DGKB: variants seen among roughly 807,000 people sequenced by gnomAD.
The protein encoded by DGKB is diacylglycerol kinase beta.
In DGKB, 67 loss-of-function variants were observed where a neutral mutation model predicts 114.3. The ratio of observed to expected loss-of-function variants is 0.59; its 90% CI spans 0.48 to 0.72. The LOEUF is 0.72. Ranked by LOEUF, DGKB falls within the 30% of genes least tolerant of loss-of-function variation. The pLI, the probability that DGKB is intolerant of heterozygous loss-of-function variation, is 0.00. For synonymous variants in DGKB, 398 were observed against 323.1 expected (o/e 1.23, Z -2.49); for missense variants, 907 against 975.2 (o/e 0.93, Z 0.93).
intron 23 of DGKB, among the ~76,000 whole-genome samples, chr7:14,322,276 T>A (rs548433483): frequency 5.3e-5 from 8 of 152,248 alleles, no homozygotes; most frequent in Non-Finnish European, 1.2e-4. Context: ...ATATCTACTA[T>A]CTGACACTAC....
intron 21 of DGKB, among the ~76,000 whole-genome samples, chr7:14,370,395 T>C (rs1346695499): frequency 6.6e-6 from 1 of 152,156 alleles, no homozygotes; most frequent in Non-Finnish European, 1.5e-5. Flanking sequence ...CTTAGAATTG[T>C]CTGGGCTATA....
At chr7:14,957,634 G>T (rs1353447661) in intron 1 of DGKB, among the ~76,000 whole-genome samples, 2 of 151,914 alleles carry the variant, frequency 1.3e-5, no homozygotes, top group Non-Finnish European at 2.9e-5. Context: ...ACTGTATCTT[G>T]CTTTGTTAAC....
chr7:14,739,628 C>A (rs573828338), intron 4 of DGKB, among the ~76,000 whole-genome samples: 1 of 152,260 alleles, frequency 6.6e-6, no homozygotes, highest in South Asian at 2.1e-4. Context: ...CATTTGATGG[C>A]CTATATGGGG....
chr7:14,828,778 A>G (rs1226958265), intron 2 of DGKB, among the ~76,000 whole-genome samples: 1 of 152,118 alleles, frequency 6.6e-6, no homozygotes, highest in African/African-American at 2.4e-5. Context: ...TCAAGTCACC[A>G]TTATTATTTA....
chr7:14,790,497 TTTTG>T (rs1163256528), intron 2 of DGKB, among the ~76,000 whole-genome samples: 6 of 127,596 alleles, frequency 4.7e-5, no homozygotes, highest in African/African-American at 2.3e-4. Flanking sequence ...GGCTCATTTT[TTTTG>T]TTGTTGTTGG....
At chr7:14,360,946 A>G (rs1395803950) in intron 21 of DGKB, among the ~76,000 whole-genome samples, 2 of 152,136 alleles carry the variant, frequency 1.3e-5, no homozygotes, top group African/African-American at 4.8e-5. Flanking sequence ...TGTTTTTCCT[A>G]ACCAATTTTT....
intron 2 of DGKB, among the ~76,000 whole-genome samples, chr7:14,833,160 T>C (rs1235361326): frequency 6.6e-6 from 1 of 152,096 alleles, no homozygotes; most frequent in African/African-American, 2.4e-5. Context: ...CTGTTAACAA[T>C]GCCTTAACCT....
At chr7:14,961,419 A>T (rs184871970) in intron 1 of DGKB, among the ~76,000 whole-genome samples, 1 of 152,158 alleles carries the variant, frequency 6.6e-6, no homozygotes, top group African/African-American at 2.4e-5. Context: ...GTCTCAATGA[A>T]TTGTGTTTAG....
At chr7:14,491,795 A>G (rs1784633808) in intron 20 of DGKB, among the ~76,000 whole-genome samples, 1 of 152,094 alleles carries the variant, frequency 6.6e-6, no homozygotes, top group Non-Finnish European at 1.5e-5. Context: ...CTCAAGAATA[A>G]TATTATTTTA....
At chr7:14,580,544 T>G (rs1001534137) in intron 19 of DGKB, among the ~76,000 whole-genome samples, 7 of 152,194 alleles carry the variant, frequency 4.6e-5, no homozygotes, top group African/African-American at 1.4e-4. Flanking sequence ...AGTATAAAAA[T>G]TACCTTGAAG....
At position 14,192,241 on chromosome 7, in the gene DGKB, A is replaced by C. The variant is rs1374136876; in HGVS notation, c.2123-14090T>G. 2.0e-5 allele frequency: 4 copies of C among 203,606 alleles called. No homozygotes were observed. In the East Asian group the frequency reaches 5.6e-4, roughly 29 times the overall value. The allele number at this position is 203,606 out of a possible 1,614,324, so 12.6% of individuals were successfully genotyped here. A position where few individuals can be genotyped will look rare whatever the true frequency, so the allele number is the denominator to read the frequency against. ...CTAAAGACTCCACCAAAAACTAGTC[A>C]AACTGAAAAACAAATTCACTAAAAT... is the stretch of plus-strand genomic sequence containing the variant. On this transcript the variant is annotated intron_variant, in intron 23 of 25. Transcript: ENST00000402815.
chr7:14,872,363 G>T (rs1246175915), intron 1 of DGKB, among the ~76,000 whole-genome samples: 1 of 152,114 alleles, frequency 6.6e-6, no homozygotes, highest in Non-Finnish European at 1.5e-5. Flanking sequence ...CAGGATCTCC[G>T]CAGAGCACAC....
chr7:14,196,181 C>G (rs954519965), intron 23 of DGKB, among the ~76,000 whole-genome samples: 1 of 152,080 alleles, frequency 6.6e-6, no homozygotes, highest in African/African-American at 2.4e-5. Context: ...TAATGCAGGA[C>G]TAAGGACCCC....
intron 4 of DGKB, 127 bp downstream of exon 4, chr7:14,753,801 A>C: frequency 2.9e-6 from 2 of 700,070 alleles, no homozygotes. Flanking sequence ...TATTATAGGC[A>C]ACCTTGTATA....
intron 23 of DGKB, among the ~76,000 whole-genome samples, chr7:14,184,447 A>G (rs1456320310): frequency 2.0e-5 from 3 of 152,108 alleles, no homozygotes; most frequent in Non-Finnish European, 4.4e-5. Context: ...GGGCACGGTG[A>G]GAGTTAGAAC....
intron 23 of DGKB, among the ~76,000 whole-genome samples, chr7:14,267,407 G>C (rs913974081): frequency 4.6e-5 from 7 of 151,948 alleles, no homozygotes; most frequent in Non-Finnish European, 1.0e-4. Context: ...ATGCCACGTA[G>C]AGCAGAAAGA....
chr7:14,853,785 G>A (rs368039742), intron 1 of DGKB, among the ~76,000 whole-genome samples: 4 of 147,948 alleles, frequency 2.7e-5, no homozygotes, highest in East Asian at 2.0e-4. Context: ...GGAGAATGGC[G>A]TGAACCCACG....
chr7:14,540,679 C>A (rs1004297635), intron 20 of DGKB, among the ~76,000 whole-genome samples: 12 of 152,058 alleles, frequency 7.9e-5, no homozygotes, highest in African/African-American at 2.9e-4. Context: ...TTTTTCATTA[C>A]TTTCCTATTG....
At chr7:14,467,446 AACAG>A (rs1347661741) in intron 21 of DGKB, among the ~76,000 whole-genome samples, 5 of 151,394 alleles carry the variant, frequency 3.3e-5, no homozygotes, top group South Asian at 2.1e-4. Flanking sequence ...AAATATAAGT[AACAG>A]ACAAATATAT....
Sources: gnomAD v4.1 joint callset for allele counts (sites outside exome capture counted in the v4.1 genomes callset) on GRCh38, gnomAD v4.1.1 for gene constraint, MANE v1.5 for transcripts, NCBI Gene and HGNC (gene_info 2026-07-23, HGNC 2026-07-21) for gene names.